Variants in SERTAD2 observed in about 807,000 individuals in gnomAD.
The protein encoded by SERTAD2 is SERTA domain-containing protein 2.
Under a neutral mutation model 15.4 loss-of-function variants are expected in SERTAD2, and 2 were observed. The ratio of observed to expected loss-of-function variants is 0.13; its 90% CI spans 0.05 to 0.41. The LOEUF (loss-of-function observed/expected upper bound fraction) is 0.41, where lower values mean the gene tolerates loss of function less well. Ranked by LOEUF, SERTAD2 falls within the 10% of genes least tolerant of loss-of-function variation. The pLI is 0.99. For missense variants in SERTAD2, 333 were observed against 409.7 expected, an observed-to-expected ratio of 0.81 and a Z score of 1.62; for synonymous variants, 180 against 178.0, an observed-to-expected ratio of 1.01 and a Z score of -0.09.
At chr2:64,651,404 G>A (rs1218640854) in intron 1 of SERTAD2, among the ~76,000 whole-genome samples, 4 of 152,134 alleles carry the variant, frequency 2.6e-5, no homozygotes, top group Non-Finnish European at 4.4e-5. Flanking sequence ...GCCTTCATAC[G>A]TTTTGTAATG....
Position 64,632,161 on chromosome 2 carries a change from G to A in SERTAD2, c.*3766C>T, listed in dbSNP as rs537534385. The A allele has an allele frequency of 6.6e-6, 1 of 151,636 alleles. No individual in the cohort carries two copies. The highest frequency in any genetic ancestry group is 2.1e-4 in the South Asian group (1 of 4,774). The allele number at this position is 151,636 out of a possible 1,614,324, so 9.4% of individuals were successfully genotyped here. On this transcript the variant is annotated 3_prime_UTR_variant, in exon 2 of 2. Coordinates refer to ENST00000313349, the MANE Select transcript of SERTAD2 (RefSeq NM_014755.3). The stretch of plus-strand genomic sequence containing the variant: ...ACTCTTTTCATTGTTTTCAGAAAAT[G>A]TATAAAGGTCCAATTTGTAACAGCA...
intron 1 of SERTAD2, chr2:64,644,990 G>T (rs1484709883): frequency 3.3e-5 from 5 of 151,388 alleles, no homozygotes; most frequent in African/African-American, 1.2e-4. Flanking sequence ...CAAAGACAAG[G>T]CGGAGTATTA....
intron 1 of SERTAD2, among the ~76,000 whole-genome samples, chr2:64,650,568 A>G (rs771364316): frequency 2.0e-5 from 3 of 152,188 alleles, no homozygotes; most frequent in Non-Finnish European, 1.5e-5. Context: ...CACACAGGGC[A>G]TAAGTTTGCC....
intron 1 of SERTAD2, among the ~76,000 whole-genome samples, chr2:64,649,631 G>C (rs1674970870): frequency 6.6e-6 from 1 of 152,220 alleles, no homozygotes. Context: ...CAAAGCTACA[G>C]GTTTTTGTAA....
chr2:64,640,190 T>G (rs891532454), intron 1 of SERTAD2, among the ~76,000 whole-genome samples: 3 of 152,126 alleles, frequency 2.0e-5, no homozygotes, highest in African/African-American at 7.2e-5. Context: ...AAAAGTGAAG[T>G]CATTTTCCTT....
In SERTAD2 at chr2:64,636,201, G is replaced by T. The variant is rs769720511; in HGVS notation, c.671C>A (p.Ser224Tyr). 1 of 1,614,196 alleles carries T rather than the reference G, an allele frequency of 6.2e-7. No homozygotes were observed. Among genetic ancestry groups the T allele is most frequent in the Non-Finnish European group, 8.5e-7 (1 of 1,180,046 alleles). The change falls in exon 2 of 2, where the codon TCT becomes TAT. Residue 224 changes from serine (S) to tyrosine (Y), a missense_variant. Transcript: ENST00000313349. ...CGTTATTTCAAAATTCCCAGGCAGA[G>T]AGTCCATCAGTTTTGAGTCATCTGC... ...SRADDSKLMDSLPGNFEITTS... is the reference protein window; with the variant it reads ...SRADDSKLMDYLPGNFEITTS...
intron 1 of SERTAD2, among the ~76,000 whole-genome samples, chr2:64,650,712 C>T (rs1674991115): frequency 6.6e-6 from 1 of 152,020 alleles, no homozygotes; most frequent in African/African-American, 2.4e-5. Flanking sequence ...TGGCTTTCTA[C>T]CAATTGCTTA....
At position 64,642,922 on chromosome 2, in the gene SERTAD2, T is replaced by C. The variant is rs145589428; in HGVS notation, c.-4-6047A>G. ...GCCCGGGCGGAAGGAAAACTCTCAC[T>C]GATAGACTTTTCTACTCTGGAGAAA... On this transcript the variant is annotated intron_variant, in intron 1 of 1. Coordinates refer to ENST00000313349, the MANE Select transcript of SERTAD2 (RefSeq NM_014755.3). Among the ~76,000 whole-genome samples, 535 of 89,116 alleles carry C rather than the reference T, an allele frequency of 6.0e-3. 4 individuals carry two copies. Among genetic ancestry groups the C allele is most frequent in the African/African-American group, 0.022 (521 of 23,220 alleles). 58.5% of individuals were successfully genotyped at this position (89,116 alleles called of 152,430 possible). A position where few individuals can be genotyped will look rare whatever the true frequency, so the allele number is the denominator to read the frequency against.
rs1325795666 is a variant in SERTAD2, at chr2:64,633,039, T to C, written c.*2888A>G. On this transcript the variant is annotated 3_prime_UTR_variant, in exon 2 of 2. Coordinates refer to ENST00000313349, the MANE Select transcript of SERTAD2 (RefSeq NM_014755.3). Reference sequence around the variant, plus strand: ...CTGCCTGGCCCTGGATGCCATGTGATGTCTTTCATAAAGGGAAGGCACTGC... The same window carrying C: ...CTGCCTGGCCCTGGATGCCATGTGACGTCTTTCATAAAGGGAAGGCACTGC... 1 of 152,614 alleles carries C rather than the reference T, an allele frequency of 6.6e-6. No individual in the cohort carries two copies. Among genetic ancestry groups the C allele is most frequent in the Non-Finnish European group, 1.5e-5 (1 of 68,056 alleles). 9.5% of individuals were successfully genotyped at this position (152,614 alleles called of 1,614,324 possible). A position where few individuals can be genotyped will look rare whatever the true frequency, so the allele number is the denominator to read the frequency against.
At position 64,636,089 on chromosome 2, in the gene SERTAD2, G is replaced by A. The variant is rs1674649884; in HGVS notation, c.783C>T (p.Cys261=). The change falls in exon 2 of 2, where the codon TGC becomes TGT. Residue 261 remains cysteine (C), a synonymous_variant. Coordinates refer to ENST00000313349, the MANE Select transcript of SERTAD2 (RefSeq NM_014755.3). ...TTGAGGCTGTCCCTGATGAGGAAGT[G>A]CAGGGGTCAAAATCATACATGGACG... is the stretch of plus-strand genomic sequence containing the variant. ...IDTSMYDFDP[C]TSSSGTASKM... The A allele has an allele frequency of 6.2e-7, 1 of 1,614,064 alleles. No individual in the cohort carries two copies. Among genetic ancestry groups the A allele is most frequent in the African/African-American group, 1.3e-5 (1 of 74,922 alleles).
rs1310114152 is a variant in SERTAD2, at chr2:64,633,534, T to C, written c.*2393A>G. 6.6e-6 allele frequency: 1 copy of C among 152,262 alleles called. No homozygotes were observed. Among genetic ancestry groups the C allele is most frequent in the Non-Finnish European group, 1.5e-5 (1 of 68,038 alleles). The allele number at this position is 152,262 out of a possible 1,614,324, so 9.4% of individuals were successfully genotyped here. On this transcript the variant is annotated 3_prime_UTR_variant, in exon 2 of 2. Coordinates refer to ENST00000313349, the MANE Select transcript of SERTAD2 (RefSeq NM_014755.3). ...TTATTGTTCAGAATCATCAATACTA[T>C]TGTATATGTGTACGTAGGTAGATGT...
At chr2:64,649,127 C>T (rs1012197894) in intron 1 of SERTAD2, among the ~76,000 whole-genome samples, 3 of 152,240 alleles carry the variant, frequency 2.0e-5, no homozygotes, top group African/African-American at 7.2e-5. Flanking sequence ...CTCGATATCT[C>T]ATTAGCGTGA....
intron 1 of SERTAD2, among the ~76,000 whole-genome samples, chr2:64,641,138 A>G (rs1392086673): frequency 6.6e-6 from 1 of 152,174 alleles, no homozygotes; most frequent in Admixed American, 6.5e-5. Flanking sequence ...TACTAAACAC[A>G]ACTCTGTACA....
intron 1 of SERTAD2, among the ~76,000 whole-genome samples, chr2:64,648,618 A>G (rs1260824895): frequency 6.6e-6 from 1 of 151,972 alleles, no homozygotes; most frequent in Non-Finnish European, 1.5e-5. Context: ...TAATTCTTCA[A>G]TTACCTTCAA....
rs1483886111 is a variant in SERTAD2 at position 64,636,618 on chromosome 2, A to G, written c.254T>C (p.Met85Thr). 8 of 1,612,154 alleles carry G rather than the reference A, an allele frequency of 5.0e-6. No homozygotes were observed. The South Asian group carries it at 8.8e-5, about 18-fold the overall frequency. ...ELKQEGSLRPMFTPSSQPTTE... is the reference protein window; with the variant it reads ...ELKQEGSLRPTFTPSSQPTTE... ...GGTGGGCTGGGAGGAGGGGGTGAAC[A>G]TGGGCCTCAGGCTGCCTTCCTGTTT... The change falls in exon 2 of 2, where the codon ATG becomes ACG. Residue 85 changes from methionine (M) to threonine (T), a missense_variant. Met to Thr is a moderately conservative substitution (Grantham distance 81). Transcript: ENST00000313349.
At chr2:64,645,259 G>A (rs1307370225) in intron 1 of SERTAD2, among the ~76,000 whole-genome samples, 2 of 152,130 alleles carry the variant, frequency 1.3e-5, no homozygotes, top group Admixed American at 1.3e-4. Context: ...GGGCTCTCCC[G>A]CTGCGCACCG....
chr2:64,648,929 C>A (rs1674956209), intron 1 of SERTAD2, among the ~76,000 whole-genome samples: 1 of 152,144 alleles, frequency 6.6e-6, no homozygotes, highest in African/African-American at 2.4e-5. Context: ...TTCTTCCACT[C>A]TGGATCATAG....
Position 64,636,707 on chromosome 2 carries a change from T to C in SERTAD2, c.165A>G (p.Thr55=). 1 of 1,614,108 alleles carries C rather than the reference T, an allele frequency of 6.2e-7. No individual in the cohort carries two copies. Among genetic ancestry groups the C allele is most frequent in the East Asian group, 2.2e-5 (1 of 44,874 alleles). Residue 55 remains threonine, a synonymous_variant, in exon 2 of 2, where the codon ACA becomes ACG. Transcript: ENST00000313349. The part of the protein sequence containing the change: ...LMKLYNHRPL[T]EPSLQKTVLI... ...AAACGGTCTTTTGCAAGCTGGGCTC[T>C]GTCAGGGGCCTGTGGTTATAGAGTT...
At position 64,636,217 on chromosome 2, in the gene SERTAD2, A is replaced by T. The variant is rs1405622156; in HGVS notation, c.655T>A (p.Ser219Thr). Residue 219 changes from serine (S) to threonine (T), a missense_variant, in exon 2 of 2, where the codon TCA becomes ACA. Physicochemically the swap from Ser to Thr is moderately conservative, Grantham distance 58. Transcript: ENST00000313349. ...CCAGGCAGAGAGTCCATCAGTTTTG[A>T]GTCATCTGCGCGGCTCTCTTGAGGA... ...DGPQESRADD[S>T]KLMDSLPGNF... The T allele has an allele frequency of 6.2e-7, 1 of 1,614,050 alleles. No homozygotes were observed. Among genetic ancestry groups the T allele is most frequent in the East Asian group, 2.2e-5 (1 of 44,902 alleles).
Sources: gnomAD v4.1 joint callset for allele counts (sites outside exome capture counted in the v4.1 genomes callset) on GRCh38, gnomAD v4.1.1 for gene constraint, MANE v1.5 for transcripts, NCBI Gene and HGNC (gene_info 2026-07-23, HGNC 2026-07-21) for gene names.